NRXN1: variants seen among roughly 807,000 people sequenced by gnomAD.
NRXN1 encodes the protein neurexin 1, also known as neurexin-1.
NRXN1 carries 39 observed loss-of-function variants against 150.9 expected under a neutral mutation model. The observed-to-expected ratio is 0.26, with a 90% CI of 0.20 to 0.34. NRXN1 has a LOEUF of 0.34. Among genes scored for constraint, NRXN1 ranks in the 10% least tolerant of loss-of-function variants. The pLI is 1.00. For missense variants in NRXN1, 1,815 were observed against 1,949.9 expected (o/e 0.93, Z 1.30); for synonymous variants, 924 against 757.0 (o/e 1.22, Z -3.62).
At chr2:50,946,507 A>T (rs1001087795) in intron 2 of NRXN1, among the ~76,000 whole-genome samples, 1 of 152,134 alleles carries the variant, frequency 6.6e-6, no homozygotes, top group African/African-American at 2.4e-5. Flanking sequence ...ATTATTCTGA[A>T]CAGTTACATT....
chr2:50,534,791 G>A (rs1468766934), intron 10 of NRXN1, among the ~76,000 whole-genome samples: 3 of 151,988 alleles, frequency 2.0e-5, no homozygotes, highest in Admixed American at 6.6e-5. Flanking sequence ...TCACATTTTT[G>A]AAATAATCAT....
chr2:49,974,983 T>A (rs963998313), intron 21 of NRXN1, among the ~76,000 whole-genome samples: 16 of 151,870 alleles, frequency 1.1e-4, no homozygotes, highest in Non-Finnish European at 2.2e-4. Context: ...AGACTACACA[T>A]CTGGAATACC....
intron 5 of NRXN1, among the ~76,000 whole-genome samples, chr2:50,679,668 T>C (rs1378011807): frequency 6.6e-6 from 1 of 152,076 alleles, no homozygotes; most frequent in Non-Finnish European, 1.5e-5. Context: ...TAAAAGTAAA[T>C]AAAATTATCT....
At chr2:50,354,628 G>T (rs2078668214) in intron 17 of NRXN1, among the ~76,000 whole-genome samples, 1 of 138,648 alleles carries the variant, frequency 7.2e-6, no homozygotes, top group African/African-American at 2.7e-5. Flanking sequence ...TCTGAAATGG[G>T]TTTTTTTTCC....
At chr2:50,351,122 T>G (rs1385118673) in intron 17 of NRXN1, among the ~76,000 whole-genome samples, 1 of 152,202 alleles carries the variant, frequency 6.6e-6, no homozygotes, top group Non-Finnish European at 1.5e-5. Flanking sequence ...CTACTCAGTC[T>G]TTGGGCTTGC....
intron 18 of NRXN1, among the ~76,000 whole-genome samples, chr2:50,226,832 T>A (rs896967071): frequency 6.6e-6 from 1 of 151,994 alleles, no homozygotes; most frequent in Admixed American, 6.6e-5. Context: ...GCTTCTGATA[T>A]TGCCTTTAAC....
chr2:50,811,738 T>C (rs1025597558), intron 5 of NRXN1, among the ~76,000 whole-genome samples: 1 of 152,200 alleles, frequency 6.6e-6, no homozygotes, highest in Non-Finnish European at 1.5e-5. Flanking sequence ...TATAAACTTT[T>C]ATATGACTCT....
intron 2 of NRXN1, among the ~76,000 whole-genome samples, chr2:51,002,716 A>G (rs1262815689): frequency 6.6e-6 from 1 of 151,894 alleles, no homozygotes; most frequent in Non-Finnish European, 1.5e-5. Context: ...ACAAAATACA[A>G]TTTTTGAAGT....
chr2:50,815,473 T>C (rs1266356619), intron 5 of NRXN1, among the ~76,000 whole-genome samples: 1 of 152,180 alleles, frequency 6.6e-6, no homozygotes, highest in Non-Finnish European at 1.5e-5. Context: ...CATTGGGTCA[T>C]TTCTGTGTCT....
chr2:50,693,896 C>A (rs983976814), intron 5 of NRXN1, among the ~76,000 whole-genome samples: 1 of 152,070 alleles, frequency 6.6e-6, no homozygotes, highest in African/African-American at 2.4e-5. Flanking sequence ...GCATCATGTC[C>A]CCCTTTTACC....
intron 17 of NRXN1, among the ~76,000 whole-genome samples, chr2:50,426,900 A>T (rs2084540941): frequency 6.6e-6 from 1 of 152,180 alleles, no homozygotes; most frequent in Non-Finnish European, 1.5e-5. Context: ...TCAATATTTG[A>T]ACATTTAGAA....
chr2:50,861,431 C>A (rs1464135792), intron 5 of NRXN1, among the ~76,000 whole-genome samples: 1 of 152,076 alleles, frequency 6.6e-6, no homozygotes, highest in African/African-American at 2.4e-5. Flanking sequence ...AGGTGGAATT[C>A]AAATTGGTCA....
At chr2:50,157,349 A>C (rs1172379431) in intron 18 of NRXN1, among the ~76,000 whole-genome samples, 2 of 152,080 alleles carry the variant, frequency 1.3e-5, no homozygotes, top group Non-Finnish European at 2.9e-5. Flanking sequence ...AAAGTTATAT[A>C]TGTAAAGACA....
intron 17 of NRXN1, among the ~76,000 whole-genome samples, chr2:50,335,469 A>G (rs77607525): frequency 0.052 from 7,847 of 152,190 alleles, 661 homozygotes; most frequent in African/African-American, 0.18. Flanking sequence ...TGATTGGGCA[A>G]AAAAGGTGCA....
intron 18 of NRXN1, among the ~76,000 whole-genome samples, chr2:50,138,318 A>G (rs1706719660): frequency 6.6e-6 from 1 of 151,632 alleles, no homozygotes; most frequent in Non-Finnish European, 1.5e-5. Context: ...AGGTGGGGAC[A>G]TTACACAATT....
chr2:50,937,426 T>A (rs1220787620), intron 2 of NRXN1, among the ~76,000 whole-genome samples: 1 of 152,202 alleles, frequency 6.6e-6, no homozygotes, highest in South Asian at 2.1e-4. Context: ...TGGGAATGAG[T>A]ATGTTTCTTT....
intron 18 of NRXN1, among the ~76,000 whole-genome samples, chr2:50,107,539 A>ATATATTTTTT (rs59921941): frequency 3.5e-4 from 45 of 129,874 alleles, no homozygotes; most frequent in South Asian, 3.0e-3. Flanking sequence ...ATATATATAT[A>ATATATTTTTT]TTTTTTTTTT....
intron 17 of NRXN1, among the ~76,000 whole-genome samples, chr2:50,352,770 T>TAAC (rs753949523): frequency 1.9e-4 from 25 of 129,452 alleles, no homozygotes; most frequent in African/African-American, 8.0e-4. Context: ...ATAATAATAA[T>TAAC]AATAATATTA....
chr2:50,613,311 C>T (rs1275204832), intron 8 of NRXN1, among the ~76,000 whole-genome samples: 1 of 152,142 alleles, frequency 6.6e-6, no homozygotes, highest in African/African-American at 2.4e-5. Flanking sequence ...AGCCCCAAGC[C>T]ATCATCTCTA....
Sources: gnomAD v4.1 joint callset for allele counts (sites outside exome capture counted in the v4.1 genomes callset) on GRCh38, gnomAD v4.1.1 for gene constraint, MANE v1.5 for transcripts, NCBI Gene and HGNC (gene_info 2026-07-23, HGNC 2026-07-21) for gene names.